Variants in CAMKMT observed in about 807,000 individuals in gnomAD.
CAMKMT encodes the protein CaM KMT.
A neutral mutation model predicts 48.0 loss-of-function variants in CAMKMT; 53 were observed. The ratio of observed to expected loss-of-function variants is 1.10; its 90% CI spans 0.89 to 1.39. The LOEUF (loss-of-function observed/expected upper bound fraction) is 1.39, where lower values mean the gene tolerates loss of function less well. CAMKMT is among the 40% of genes most tolerant of loss of function. CAMKMT has a pLI of 0.00. For synonymous variants in CAMKMT, 165 were observed against 152.3 expected (o/e 1.08, Z -0.61); for missense variants, 428 against 402.7 (o/e 1.06, Z -0.54).
At chr2:44,396,752 A>AG (rs926558688) in intron 3 of CAMKMT, among the ~76,000 whole-genome samples, 6 of 151,696 alleles carry the variant, frequency 4.0e-5, no homozygotes, top group South Asian at 2.1e-4. Context: ...AAAAAAAAAA[A>AG]AAAGAAAGAA....
chr2:44,746,069 G>A (rs1679904617), intron 8 of CAMKMT, among the ~76,000 whole-genome samples: 1 of 152,204 alleles, frequency 6.6e-6, no homozygotes, highest in Admixed American at 6.5e-5. Context: ...CTCAGTGTCA[G>A]GAAGAGGTGC....
chr2:44,549,841 C>G (rs1328542614), intron 3 of CAMKMT: 1 of 392,296 alleles, frequency 2.5e-6, no homozygotes, highest in African/African-American at 2.1e-5. Flanking sequence ...ATTTTTGTCC[C>G]AGACCCAGCT....
At chr2:44,430,411 A>T (rs1684578321) in intron 3 of CAMKMT, among the ~76,000 whole-genome samples, 1 of 151,740 alleles carries the variant, frequency 6.6e-6, no homozygotes, top group South Asian at 2.1e-4. Flanking sequence ...TTGAGAAGGC[A>T]GCCTCTCATC....
At chr2:44,397,499 G>T (rs1681962391) in intron 3 of CAMKMT, among the ~76,000 whole-genome samples, 2 of 152,098 alleles carry the variant, frequency 1.3e-5, no homozygotes, top group Admixed American at 1.3e-4. Context: ...TTGAAGGTTG[G>T]CTTCGGTTGC....
chr2:44,700,892 C>G (rs1677221883), intron 3 of CAMKMT, among the ~76,000 whole-genome samples: 1 of 152,134 alleles, frequency 6.6e-6, no homozygotes, highest in Non-Finnish European at 1.5e-5. Context: ...ATCTACAAAG[C>G]ACAATAAAGA....
chr2:44,374,330 G>C (rs941520526), intron 2 of CAMKMT, among the ~76,000 whole-genome samples: 4 of 152,060 alleles, frequency 2.6e-5, no homozygotes, highest in African/African-American at 9.7e-5. Context: ...TACAGAGCTA[G>C]GTGTTTTGAT....
At chr2:44,580,684 G>C (rs1415472764) in intron 3 of CAMKMT, among the ~76,000 whole-genome samples, 1 of 152,154 alleles carries the variant, frequency 6.6e-6, no homozygotes, top group Non-Finnish European at 1.5e-5. Context: ...ACTGTAGCTT[G>C]ATTGCCTAAC....
At chr2:44,398,573 T>C (rs1360114070) in intron 3 of CAMKMT, among the ~76,000 whole-genome samples, 5 of 150,802 alleles carry the variant, frequency 3.3e-5, no homozygotes, top group Admixed American at 1.3e-4. Flanking sequence ...TTTTCTTTTT[T>C]TTTTTTTTTG....
chr2:44,380,776 A>G (rs1680159180), intron 2 of CAMKMT, among the ~76,000 whole-genome samples: 1 of 152,154 alleles, frequency 6.6e-6, no homozygotes. Context: ...TCATTTTTAT[A>G]AGTATCTTAG....
rs143292489 is a variant in CAMKMT, at chr2:44,459,665, C to T, written c.376+69360C>T. Among the ~76,000 whole-genome samples the T allele has an allele frequency of 1.4e-3, 215 of 152,268 alleles. 3 individuals carry two copies. The highest frequency in any genetic ancestry group is 4.8e-3 in the African/African-American group (201 of 41,552). On this transcript the variant is annotated intron_variant, in intron 3 of 10. Transcript: ENST00000378494. ...AGAGTAGTAAGTGACTCCCCCATAT[C>T]CCCCGCAATAGGCTATTCTCGATAT...
At chr2:44,429,215 A>G (rs1230571633) in intron 3 of CAMKMT, among the ~76,000 whole-genome samples, 1 of 151,840 alleles carries the variant, frequency 6.6e-6, no homozygotes, top group African/African-American at 2.4e-5. Flanking sequence ...CTTTGAAGCA[A>G]TGTGGAATGT....
chr2:44,534,901 G>A (rs1410149668), intron 3 of CAMKMT, among the ~76,000 whole-genome samples: 1 of 151,932 alleles, frequency 6.6e-6, no homozygotes, highest in East Asian at 1.9e-4. Flanking sequence ...AGAATATAGA[G>A]ATTATCAAAG....
chr2:44,470,088 T>A (rs578016319), intron 3 of CAMKMT, among the ~76,000 whole-genome samples: 58 of 152,156 alleles, frequency 3.8e-4, no homozygotes, highest in Admixed American at 5.9e-4. Context: ...TAATAAGAAC[T>A]TTCCATGAGA....
intron 3 of CAMKMT, among the ~76,000 whole-genome samples, chr2:44,699,218 A>G (rs1362182267): frequency 6.6e-6 from 1 of 152,218 alleles, no homozygotes; most frequent in Non-Finnish European, 1.5e-5. Context: ...AAGATTTTCA[A>G]CTGACTTTGC....
intron 3 of CAMKMT, among the ~76,000 whole-genome samples, chr2:44,477,526 G>A (rs1668750026): frequency 6.6e-6 from 1 of 152,150 alleles, no homozygotes; most frequent in Non-Finnish European, 1.5e-5. Flanking sequence ...TTAAAAATAA[G>A]TTGTGTAGGT....
At chr2:44,402,430 G>A (rs1461470934) in intron 3 of CAMKMT, among the ~76,000 whole-genome samples, 1 of 150,798 alleles carries the variant, frequency 6.6e-6, no homozygotes, top group Non-Finnish European at 1.5e-5. Flanking sequence ...GTAGTCCAAT[G>A]CTATTCTAAC....
rs75366153 is a variant in CAMKMT at position 44,453,596 on chromosome 2, A to G, written c.376+63291A>G. ...TAGTGGGATAATTTTTGTCATCTTT[A>G]GTATAGAGAATGGATTCAGTTTGGT... On this transcript the variant is annotated intron_variant, in intron 3 of 10. Transcript: ENST00000378494. Among the ~76,000 whole-genome samples, 879 of 152,182 alleles carry G rather than the reference A, an allele frequency of 5.8e-3. 12 individuals are homozygous for G. The highest frequency in any genetic ancestry group is 0.02 in the African/African-American group (832 of 41,558).
intron 3 of CAMKMT, among the ~76,000 whole-genome samples, chr2:44,619,463 G>GTATATATATA (rs5830799): frequency 6.7e-6 from 1 of 149,938 alleles, no homozygotes; most frequent in South Asian, 2.1e-4. Context: ...GATTATGTGT[G>GTATATATATA]TATATATATA....
At chr2:44,622,025 G>A (rs1349003106) in intron 3 of CAMKMT, among the ~76,000 whole-genome samples, 2 of 152,162 alleles carry the variant, frequency 1.3e-5, no homozygotes, top group African/African-American at 2.4e-5. Flanking sequence ...TAAGAATCAA[G>A]TATAACTTCT....
Sources: allele counts gnomAD v4.1 joint callset (sites outside exome capture counted in the v4.1 genomes callset), GRCh38; gene constraint gnomAD v4.1.1; transcripts MANE v1.5; gene names NCBI Gene and HGNC (gene_info 2026-07-23, HGNC 2026-07-21).